Variants in DLC1 observed in about 807,000 individuals in gnomAD.
DLC1 encodes the protein DLC1 Rho GTPase activating protein.
Under a neutral mutation model 140.3 loss-of-function variants are expected in DLC1, and 54 were observed. The observed-to-expected ratio is 0.38, with a 90% CI of 0.31 to 0.48. The LOEUF (loss-of-function observed/expected upper bound fraction) is 0.48. Ranked by LOEUF, DLC1 falls within the 20% of genes least tolerant of loss-of-function variation. The pLI is 0.96. For synonymous variants in DLC1, 986 were observed against 728.1 expected, an observed-to-expected ratio of 1.35 and a Z score of -5.70; for missense variants, 2,536 against 1,907.0, an observed-to-expected ratio of 1.33 and a Z score of -6.14.
chr8:13,584,856 C>G (rs1167672335), intron 1 of DLC1, among the ~76,000 whole-genome samples: 1 of 152,166 alleles, frequency 6.6e-6, no homozygotes, highest in Non-Finnish European at 1.5e-5. Flanking sequence ...CGCAATAGGT[C>G]TCAAAACCAC....
intron 1 of DLC1, among the ~76,000 whole-genome samples, chr8:13,527,557 T>G (rs946240340): frequency 6.6e-6 from 1 of 152,190 alleles, no homozygotes; most frequent in African/African-American, 2.4e-5. Flanking sequence ...TTCTCTTTGT[T>G]ATTGATTTCT....
intron 2 of DLC1, among the ~76,000 whole-genome samples, chr8:13,460,549 G>A (rs981218433): frequency 6.6e-6 from 1 of 152,206 alleles, no homozygotes. Context: ...ACAGTCCAAG[G>A]CAACAAGTGT....
intron 4 of DLC1, among the ~76,000 whole-genome samples, chr8:13,361,963 G>A (rs1295391674): frequency 6.6e-6 from 1 of 152,162 alleles, no homozygotes; most frequent in African/African-American, 2.4e-5. Flanking sequence ...AGGAAGAAGA[G>A]GAAGGACAGA....
chr8:13,568,176 T>G (rs1804524109), intron 1 of DLC1: 1 of 502,010 alleles, frequency 2.0e-6, no homozygotes, highest in Non-Finnish European at 3.5e-6. Context: ...AGGATGTTGA[T>G]GGTACAGAAG....
At chr8:13,567,106 A>G in intron 1 of DLC1, 1 of 1,551,772 alleles carries the variant, frequency 6.4e-7, no homozygotes, top group Non-Finnish European at 8.7e-7. Flanking sequence ...CAGCTCATTC[A>G]GCTCCTCTGG....
chr8:13,360,465 T>A (rs760767245), intron 4 of DLC1, among the ~76,000 whole-genome samples: 6 of 152,228 alleles, frequency 3.9e-5, no homozygotes, highest in South Asian at 4.1e-4. Context: ...CTAGTAGTTC[T>A]TAACCATGGC....
intron 4 of DLC1, among the ~76,000 whole-genome samples, chr8:13,359,163 T>C (rs1286818674): frequency 2.0e-5 from 3 of 152,160 alleles, no homozygotes; most frequent in Admixed American, 6.5e-5. Flanking sequence ...ATGGTCTCGA[T>C]CTCCTGACCT....
intron 5 of DLC1, among the ~76,000 whole-genome samples, chr8:13,212,321 T>C (rs141297743): frequency 3.2e-4 from 48 of 152,308 alleles, no homozygotes; most frequent in African/African-American, 1.2e-3. Flanking sequence ...CATGTGTGCG[T>C]ACACATTTCA....
Position 13,499,668 on chromosome 8 carries a change from G to T in DLC1, c.404C>A (p.Thr135Lys). The change falls in exon 2 of 18, where the codon ACA becomes AAA. Residue 135 changes from threonine (T) to lysine (K), a missense_variant. Coordinates refer to ENST00000276297, the MANE Select transcript of DLC1 (RefSeq NM_182643.3). Reference protein sequence around the residue: ...KQVLNTQGQKTSGQHMIQGAG... With the variant: ...KQVLNTQGQKKSGQHMIQGAG... ...TCCTTGGATCATATGTTGGCCTGAT[G>T]TTTTCTGCCCTTGGGTATTTAAAAC... is the stretch of plus-strand genomic sequence containing the variant. The T allele has an allele frequency of 6.2e-7, 1 of 1,614,170 alleles. No homozygotes were observed. Among genetic ancestry groups the T allele is most frequent in the Non-Finnish European group, 8.5e-7 (1 of 1,180,010 alleles).
chr8:13,198,908 G>A (rs1297656419), intron 5 of DLC1, among the ~76,000 whole-genome samples: 4 of 151,818 alleles, frequency 2.6e-5, no homozygotes, highest in East Asian at 1.9e-4. Flanking sequence ...GTAGAGACGG[G>A]GTTTCATGAT....
chr8:13,216,791 G>C (rs1192143350), intron 5 of DLC1, among the ~76,000 whole-genome samples: 1 of 152,102 alleles, frequency 6.6e-6, no homozygotes, highest in Non-Finnish European at 1.5e-5. Context: ...GTAGACACTA[G>C]TAGTACCCCC....
At chr8:13,462,899 G>C (rs926187442) in intron 2 of DLC1, among the ~76,000 whole-genome samples, 4 of 152,098 alleles carry the variant, frequency 2.6e-5, no homozygotes, top group African/African-American at 7.2e-5. Flanking sequence ...AGTTGCTATA[G>C]CTACCCCTAT....
chr8:13,130,297 T>C (rs1035414251), intron 5 of DLC1, among the ~76,000 whole-genome samples: 1 of 152,216 alleles, frequency 6.6e-6, no homozygotes, highest in African/African-American at 2.4e-5. Context: ...CCATATCCCC[T>C]TTAAGTCCCA....
At chr8:13,208,055 C>A (rs1827761527) in intron 5 of DLC1, among the ~76,000 whole-genome samples, 1 of 152,126 alleles carries the variant, frequency 6.6e-6, no homozygotes, top group South Asian at 2.1e-4. Flanking sequence ...GATTTAAAAT[C>A]CATCTTATGT....
rs1259970890 is a variant in DLC1, at chr8:13,127,649, G to C, written c.1349-11992C>G. 2.0e-5 allele frequency among the ~76,000 whole-genome samples: 3 copies of C among 152,228 alleles called. No individual in the cohort carries two copies. In the East Asian group the frequency reaches 5.8e-4, roughly 29 times the overall value. ...GGGGCAGCACCGTGCATGGGCCACA[G>C]GCCATTTCACTTCTGAAGTCTCTTC... On this transcript the variant is annotated intron_variant, in intron 5 of 17. Transcript: ENST00000276297.
At chr8:13,430,976 A>G (rs541023574) in intron 2 of DLC1, among the ~76,000 whole-genome samples, 1 of 152,374 alleles carries the variant, frequency 6.6e-6, no homozygotes, top group Non-Finnish European at 1.5e-5. Context: ...AACATATTGA[A>G]AAATTGAAAA....
At chr8:13,458,240 T>C (rs1799501404) in intron 2 of DLC1, among the ~76,000 whole-genome samples, 1 of 152,206 alleles carries the variant, frequency 6.6e-6, no homozygotes, top group South Asian at 2.1e-4. Flanking sequence ...TTATTACCAT[T>C]AGTTGTGTAA....
chr8:13,154,388 C>T (rs1039774903), intron 5 of DLC1, among the ~76,000 whole-genome samples: 10 of 152,326 alleles, frequency 6.6e-5, no homozygotes, highest in South Asian at 2.1e-4. Flanking sequence ...ATGGCGCCTG[C>T]GGGCCAGCAG....
chr8:13,174,965 C>T (rs1300852270), intron 5 of DLC1, among the ~76,000 whole-genome samples: 1 of 152,032 alleles, frequency 6.6e-6, no homozygotes, highest in Non-Finnish European at 1.5e-5. Context: ...AATGGTATTT[C>T]CTAGGTTTTC....
Sources: allele counts gnomAD v4.1 joint callset (sites outside exome capture counted in the v4.1 genomes callset), GRCh38; gene constraint gnomAD v4.1.1; transcripts MANE v1.5; gene names NCBI Gene and HGNC (gene_info 2026-07-23, HGNC 2026-07-21).